The following CCDC7 variants were observed in gnomAD, a reference collection of about 807,000 sequenced individuals.
CCDC7 encodes coiled-coil domain-containing protein 7.
A neutral mutation model predicts 196.9 loss-of-function variants in CCDC7; 183 were observed. The observed-to-expected ratio is 0.93, with a 90% CI of 0.82 to 1.05. The LOEUF is 1.05. Ranked by LOEUF, CCDC7 falls within the 50% of genes least tolerant of loss-of-function variation. The probability of loss-of-function intolerance (pLI) is 0.00; values close to 1 mark genes in which losing one functional copy is unlikely to be tolerated. For synonymous variants in CCDC7, 525 were observed against 484.6 expected (o/e 1.08, Z -1.10); for missense variants, 1,540 against 1,482.2 (o/e 1.04, Z -0.64).
intron 18 of CCDC7, among the ~76,000 whole-genome samples, chr10:32,612,901 C>G (rs1041732059): frequency 6.6e-6 from 1 of 150,944 alleles, no homozygotes; most frequent in African/African-American, 2.4e-5. Context: ...TGTTGTGTCT[C>G]TGCCAGGTTT....
intron 8 of CCDC7, among the ~76,000 whole-genome samples, chr10:32,477,840 A>C (rs1207166917): frequency 6.6e-6 from 1 of 152,136 alleles, no homozygotes; most frequent in East Asian, 1.9e-4. Flanking sequence ...AAACTTTATA[A>C]ACTTTAGAAA....
chr10:32,667,713 G>A (rs1025102776), intron 21 of CCDC7, among the ~76,000 whole-genome samples: 16 of 152,226 alleles, frequency 1.1e-4, no homozygotes, highest in Non-Finnish European at 2.4e-4. Flanking sequence ...GCTCTGTTCT[G>A]TCCCATTGGT....
Position 32,832,838 on chromosome 10 carries a change from GATAT to G in CCDC7, c.3269-1973_3269-1970del, listed in dbSNP as rs1481140268. Among the ~76,000 whole-genome samples the G allele has an allele frequency of 2.0e-5, 3 of 151,884 alleles. No individual in the cohort carries two copies. In the East Asian group the frequency reaches 5.8e-4, roughly 29 times the overall value. On this transcript the variant is annotated intron_variant, in intron 32 of 41. Coordinates refer to ENST00000639629, the Ensembl canonical transcript of CCDC7. ...ATGTAATTGTGTGGTACCATATATA[GATAT>G]ATAAATTTGATATGTAACTGTATTT... is the stretch of plus-strand genomic sequence containing the variant.
At chr10:32,497,225 A>C (rs987446109) in intron 9 of CCDC7, among the ~76,000 whole-genome samples, 5 of 151,892 alleles carry the variant, frequency 3.3e-5, no homozygotes, top group Admixed American at 3.3e-4. Context: ...TTTCTGTGGG[A>C]TCTGTGGTGA....
intron 21 of CCDC7, among the ~76,000 whole-genome samples, chr10:32,680,845 T>C (rs947249801): frequency 6.6e-6 from 1 of 152,204 alleles, no homozygotes; most frequent in South Asian, 2.1e-4. Flanking sequence ...GGACCTGATC[T>C]ACTCCATATT....
intron 14 of CCDC7, 109 bp downstream of exon 15, chr10:32,565,729 C>T (rs2056676594): frequency 1.2e-5 from 14 of 1,189,332 alleles, no homozygotes; most frequent in Non-Finnish European, 1.6e-5. Context: ...TCTACATATT[C>T]TACTATTTGG....
Position 32,834,900 on chromosome 10 carries a change from TA to T in CCDC7, c.3352+4del. On this transcript the variant is annotated splice_donor_region_variant and intron_variant, in intron 33 of 41. Coordinates refer to ENST00000639629, the Ensembl canonical transcript of CCDC7. ...ACATACAGTCAAAGAGTCATGGAGG[TA>T]AGAACAAGAATTTTTCAAGTCTCCT... is the stretch of plus-strand genomic sequence containing the variant. 7.7e-7 allele frequency: 1 copy of T among 1,302,768 alleles called. No individual in the cohort carries two copies. The highest frequency in any genetic ancestry group is 1.1e-6 in the Non-Finnish European group (1 of 923,552). 80.7% of individuals were successfully genotyped at this position (1,302,768 alleles called of 1,614,324 possible).
In CCDC7 at chr10:32,541,970, C is replaced by T. The variant is rs917849095; in HGVS notation, c.994-1330C>T. 3.9e-5 allele frequency among the ~76,000 whole-genome samples: 6 copies of T among 152,308 alleles called. No homozygotes were observed. The East Asian group carries it at 9.7e-4, about 25-fold the overall frequency. ...CATGCTGGTGCCTCACCTCACTCCT[C>T]TCTGCTCTCTGTTACCCTGCTGCCT... On this transcript the variant is annotated intron_variant, in intron 11 of 41. Transcript: ENST00000639629.
chr10:32,658,100 G>T (rs771339089), intron 20 of CCDC7, among the ~76,000 whole-genome samples: 6 of 152,166 alleles, frequency 3.9e-5, no homozygotes, highest in Non-Finnish European at 7.3e-5. Context: ...TCTCCAGGAA[G>T]TTCCAAACTT....
intron 20 of CCDC7, among the ~76,000 whole-genome samples, chr10:32,642,361 CCCCCAGCCT>C (rs2066980621): frequency 6.6e-6 from 1 of 152,190 alleles, no homozygotes. Context: ...GGGCGCCCCT[CCCCCAGCCT>C]GGCTGCCGCC....
rs111340744 is a variant in CCDC7 at position 32,584,175 on chromosome 10, G to GATAT, written c.1729-46_1729-43dup. 3.2e-5 allele frequency: 26 copies of GATAT among 805,072 alleles called. No homozygotes were observed. The African/African-American group carries it at 3.5e-4, about 11-fold the overall frequency. 49.9% of individuals were successfully genotyped at this position (805,072 alleles called of 1,614,324 possible). A position where few individuals can be genotyped will look rare whatever the true frequency, so the allele number is the denominator to read the frequency against. The stretch of plus-strand genomic sequence containing the variant: ...AAGCAGGTAATTAAATACCAGTCTT[G>GATAT]ATATATATATATATGTATATAATTT... On this transcript the variant is annotated intron_variant, in intron 17 of 41. Coordinates refer to ENST00000639629, the Ensembl canonical transcript of CCDC7.
chr10:32,552,719 T>A (rs1227999664), intron 13 of CCDC7, among the ~76,000 whole-genome samples: 1 of 152,196 alleles, frequency 6.6e-6, no homozygotes, highest in Non-Finnish European at 1.5e-5. Context: ...CTGATGATTG[T>A]TTTGTTTAAG....
chr10:32,834,881 A>G (rs775796170), exon 33 of CCDC7: 1 of 1,433,764 alleles, frequency 7.0e-7, no homozygotes. Flanking sequence ...ATCAACATAC[A>G]GTCAAAGAGT....
chr10:32,868,253 C>A (rs1425217717), intron 41 of CCDC7, among the ~76,000 whole-genome samples: 1 of 151,934 alleles, frequency 6.6e-6, no homozygotes, highest in Admixed American at 6.6e-5. Context: ...TGTTCCTGTT[C>A]TACTCTTTTG....
rs2077351481 is a variant in CCDC7 at position 32,760,823 on chromosome 10, A to T, written c.2906-18154A>T. Among the ~76,000 whole-genome samples the T allele has an allele frequency of 2.6e-5, 4 of 152,012 alleles. No individual in the cohort carries two copies. The South Asian group carries it at 8.3e-4, about 32-fold the overall frequency. ...AAGATGGCTCCGGAAGGTTCAAAAT[A>T]AAAATTATCACCCCACCCTGCACAC... On this transcript the variant is annotated intron_variant, in intron 28 of 41. Transcript: ENST00000639629.
At chr10:32,845,581 G>A (rs751571795) in exon 35 of CCDC7, 2 of 1,612,734 alleles carry the variant, frequency 1.2e-6, no homozygotes, top group South Asian at 1.1e-5. Context: ...TACTGGAAGA[G>A]GTCTAATGAA....
At chr10:32,505,990 C>T (rs11522445) in intron 9 of CCDC7, among the ~76,000 whole-genome samples, 47,747 of 140,652 alleles carry the variant, frequency 0.34, 9,589 homozygotes, top group Non-Finnish European at 0.48. Flanking sequence ...ACTTCCCAGA[C>T]GGGGTGGCCA....
chr10:32,807,556 C>T (rs1287539179), intron 30 of CCDC7, among the ~76,000 whole-genome samples: 1 of 151,962 alleles, frequency 6.6e-6, no homozygotes, highest in Non-Finnish European at 1.5e-5. Context: ...ACAGGAAACA[C>T]CTGAGGCATA....
chr10:32,619,859 A>G (rs958827918), intron 18 of CCDC7, among the ~76,000 whole-genome samples: 3 of 149,310 alleles, frequency 2.0e-5, no homozygotes, highest in Non-Finnish European at 3.0e-5. Flanking sequence ...TCAGTCTCCA[A>G]AAGTGCTGAT....
Sources: allele counts gnomAD v4.1 joint callset (sites outside exome capture counted in the v4.1 genomes callset), GRCh38; gene constraint gnomAD v4.1.1; transcripts MANE v1.5; gene names NCBI Gene and HGNC (gene_info 2026-07-23, HGNC 2026-07-21).